The following AGO2 variants were observed in gnomAD, a reference collection of about 807,000 sequenced individuals.
AGO2 encodes argonaute RISC catalytic component 2.
A neutral mutation model predicts 102.3 loss-of-function variants in AGO2; 5 were observed. The ratio of observed to expected loss-of-function variants is 0.05; its 90% CI spans 0.03 to 0.10. The LOEUF is 0.10. AGO2 is among the 10% of genes least tolerant of loss of function. AGO2 has a pLI of 1.00. For missense variants in AGO2, 541 were observed against 1,183.7 expected (o/e 0.46, Z 7.97); for synonymous variants, 449 against 473.1 (o/e 0.95, Z 0.66).
At chr8:140,565,415 G>C (rs190021719) in intron 3 of AGO2, among the ~76,000 whole-genome samples, 3,820 of 149,832 alleles carry the variant, frequency 0.025, 153 homozygotes, top group African/African-American at 0.088. Flanking sequence ...CTCCAGCCTG[G>C]GCGACAGAGC....
intron 17 of AGO2, among the ~76,000 whole-genome samples, chr8:140,533,193 T>C (rs1431936251): frequency 3.4e-5 from 5 of 148,630 alleles, no homozygotes; most frequent in South Asian, 2.2e-4. Flanking sequence ...ATCGAGACCA[T>C]CCTGGCTAAC....
At chr8:140,566,714 A>C (rs1020803479) in intron 3 of AGO2, among the ~76,000 whole-genome samples, 1 of 151,204 alleles carries the variant, frequency 6.6e-6, no homozygotes, top group African/African-American at 2.4e-5. Context: ...CAGAGGGGCG[A>C]GTGCCCCTGT....
intron 2 of AGO2, among the ~76,000 whole-genome samples, chr8:140,576,046 C>T (rs909006532): frequency 2.5e-4 from 38 of 152,152 alleles, no homozygotes; most frequent in Middle Eastern, 6.3e-3. Flanking sequence ...AGGCCAGGCG[C>T]GGTGGCTCAC....
intron 1 of AGO2, among the ~76,000 whole-genome samples, chr8:140,609,640 T>TC (rs1033163658): frequency 3.4e-4 from 52 of 152,094 alleles, no homozygotes; most frequent in African/African-American, 1.2e-3. Flanking sequence ...GCCCATCCCA[T>TC]CCCCCCAGTC....
At chr8:140,565,719 T>C (rs1279219140) in intron 3 of AGO2, among the ~76,000 whole-genome samples, 1 of 152,128 alleles carries the variant, frequency 6.6e-6, no homozygotes, top group South Asian at 2.1e-4. Flanking sequence ...ATTTACAGTT[T>C]ATGTTATTGG....
intron 2 of AGO2, among the ~76,000 whole-genome samples, chr8:140,577,330 A>G (rs1298288635): frequency 1.3e-5 from 2 of 152,056 alleles, no homozygotes; most frequent in African/African-American, 2.4e-5. Context: ...AACAATCTAC[A>G]CTGACAGAAT....
chr8:140,584,194 A>G (rs1027260303), intron 2 of AGO2, among the ~76,000 whole-genome samples: 2 of 152,150 alleles, frequency 1.3e-5, no homozygotes, highest in Non-Finnish European at 2.9e-5. Flanking sequence ...TGGAAATAAT[A>G]TATCACTTAA....
chr8:140,565,658 G>C (rs1335004701), intron 3 of AGO2, among the ~76,000 whole-genome samples: 2 of 150,976 alleles, frequency 1.3e-5, no homozygotes, highest in African/African-American at 2.4e-5. Context: ...AAAAAAAGAA[G>C]AAGAAGAAGA....
At chr8:140,574,969 G>C (rs1705953503) in intron 2 of AGO2, among the ~76,000 whole-genome samples, 1 of 152,290 alleles carries the variant, frequency 6.6e-6, no homozygotes. Flanking sequence ...TCCTTATTCA[G>C]AATGGCTTTG....
intron 2 of AGO2, among the ~76,000 whole-genome samples, chr8:140,578,531 C>T (rs772602325): frequency 2.6e-5 from 4 of 152,242 alleles, no homozygotes; most frequent in South Asian, 2.1e-4. Flanking sequence ...GGCGCAGGCA[C>T]TGGAAAGTGA....
intron 1 of AGO2, among the ~76,000 whole-genome samples, chr8:140,632,056 G>A (rs910593702): frequency 9.2e-5 from 14 of 152,306 alleles, no homozygotes; most frequent in African/African-American, 3.4e-4. Flanking sequence ...TTATGAGACT[G>A]GACCATTACA....
chr8:140,594,427 T>C (rs2073791481), intron 1 of AGO2, among the ~76,000 whole-genome samples: 1 of 152,136 alleles, frequency 6.6e-6, no homozygotes, highest in African/African-American at 2.4e-5. Flanking sequence ...GGAATGCTCT[T>C]TCTGGGATTA....
chr8:140,558,513 C>T lies in AGO2; in HGVS notation c.850G>A (p.Val284Met), dbSNP rs1333153784. Residue 284 changes from valine (V) to methionine (M), a missense_variant, in exon 7 of 19, where the codon GTG becomes ATG. Physicochemically the swap from Val to Met is conservative, Grantham distance 21. Around this residue, in one of 6 missense-constraint regions of AGO2, gnomAD observed 38 missense variants for 68.1 expected, o/e 0.56. Coordinates refer to ENST00000220592, the MANE Select transcript of AGO2 (RefSeq NM_012154.5). ...TGGTGACTGGCGGGCCGCCGGGTCA[C>T]ATTGCAGACGCGGTACTTCCTCTTC... ...QMKRKYRVCN[V>M]TRRPASHQTF... The T allele has an allele frequency of 2.5e-6, 4 of 1,614,130 alleles. No individual in the cohort carries two copies.
chr8:140,566,475 T>C (rs139635442), intron 3 of AGO2, among the ~76,000 whole-genome samples: 1 of 152,368 alleles, frequency 6.6e-6, no homozygotes, highest in Non-Finnish European at 1.5e-5. Context: ...TCTTTTTCAT[T>C]AGTGCTACTT....
At chr8:140,624,308 C>T (rs1384740772) in intron 1 of AGO2, among the ~76,000 whole-genome samples, 2 of 152,202 alleles carry the variant, frequency 1.3e-5, no homozygotes, top group Non-Finnish European at 2.9e-5. Flanking sequence ...CCAAGCAGGG[C>T]GAGTCCCCAT....
At chr8:140,641,019 A>C in the AGO2 span, among the ~76,000 whole-genome samples, 1 of 152,132 alleles carries the variant, frequency 6.6e-6, no homozygotes, top group Non-Finnish European at 1.5e-5. Flanking sequence ...TCTTTCACTA[A>C]AGATGGTGGC....
intron 4 of AGO2, 61 bp downstream of exon 4, chr8:140,562,392 G>GC: frequency 6.4e-7 from 1 of 1,552,116 alleles, no homozygotes; most frequent in Non-Finnish European, 8.7e-7. Context: ...TTCAGACCCT[G>GC]CGGGGGGCCC....
the AGO2 span, among the ~76,000 whole-genome samples, chr8:140,641,482 C>G: frequency 3.3e-5 from 5 of 152,104 alleles, no homozygotes; most frequent in African/African-American, 1.2e-4. Flanking sequence ...TATCATGTTT[C>G]TTTGAAATAA....
intron 2 of AGO2, among the ~76,000 whole-genome samples, 176 bp from the exon 3 acceptor site, chr8:140,573,108 C>T (rs2073410284): frequency 6.6e-6 from 1 of 150,622 alleles, no homozygotes; most frequent in Non-Finnish European, 1.5e-5. Context: ...CTCCTGGGTT[C>T]AAGCAATTCT....
Sources: allele counts gnomAD v4.1 joint callset (sites outside exome capture counted in the v4.1 genomes callset), GRCh38; gene constraint gnomAD v4.1.1; regional missense constraint gnomAD v4.1.1; transcripts MANE v1.5; gene names NCBI Gene and HGNC (gene_info 2026-07-23, HGNC 2026-07-21).